KCNIP4: variants seen among roughly 807,000 people sequenced by gnomAD.
KCNIP4 encodes the protein potassium voltage-gated channel interacting protein 4, also known as Kv channel-interacting protein 4.
Under a neutral mutation model 34.0 loss-of-function variants are expected in KCNIP4, and 12 were observed. The observed-to-expected ratio is 0.35, with a 90% CI of 0.23 to 0.57. The LOEUF is 0.57. Ranked by LOEUF, KCNIP4 falls within the 20% of genes least tolerant of loss-of-function variation. The pLI is 0.83. For synonymous variants in KCNIP4, 124 were observed against 102.2 expected (o/e 1.21, Z -1.29); for missense variants, 238 against 311.7 (o/e 0.76, Z 1.78).
intron 1 of KCNIP4, among the ~76,000 whole-genome samples, chr4:21,714,318 G>C (rs1305960318): frequency 3.9e-5 from 6 of 151,962 alleles, no homozygotes; most frequent in Admixed American, 2.0e-4. Context: ...AATCTCCCCT[G>C]ATATTTCTCG....
At chr4:21,624,134 G>A (rs763431575) in intron 1 of KCNIP4, among the ~76,000 whole-genome samples, 10 of 152,034 alleles carry the variant, frequency 6.6e-5, no homozygotes, top group South Asian at 2.1e-4. Context: ...CAGACAGACC[G>A]AAGAAACTTC....
In KCNIP4 at chr4:20,760,444, T is replaced by A. The variant is rs527799524; in HGVS notation, c.289-1554A>T. 2.0e-4 allele frequency among the ~76,000 whole-genome samples: 30 copies of A among 152,314 alleles called. No homozygotes were observed. In the South Asian group the frequency reaches 2.3e-3, roughly 12 times the overall value. On this transcript the variant is annotated intron_variant, in intron 3 of 8. Transcript: ENST00000382152. ...TGTTCCCTCACTAATAAACTTACTTTCTTTATTCCAGTGAGTCAGTTACTC... is the reference window on the plus strand; with the variant it reads ...TGTTCCCTCACTAATAAACTTACTTACTTTATTCCAGTGAGTCAGTTACTC...
At chr4:21,938,048 C>A (rs115047798) in intron 1 of KCNIP4, among the ~76,000 whole-genome samples, 1 of 152,072 alleles carries the variant, frequency 6.6e-6, no homozygotes, top group South Asian at 2.1e-4. Context: ...CAAAACCATA[C>A]AAAATTCTTA....
intron 1 of KCNIP4, among the ~76,000 whole-genome samples, chr4:21,866,062 A>G (rs1450151075): frequency 6.6e-6 from 1 of 152,194 alleles, no homozygotes; most frequent in Admixed American, 6.5e-5. Flanking sequence ...TAGAAGAGTT[A>G]TTTCAGAAAT....
At chr4:21,194,340 G>A (rs2109357032) in intron 1 of KCNIP4, among the ~76,000 whole-genome samples, 1 of 152,110 alleles carries the variant, frequency 6.6e-6, no homozygotes, top group South Asian at 2.1e-4. Flanking sequence ...CACCCTACTA[G>A]TCTCTGCATA....
At chr4:21,470,503 G>A (rs887958680) in intron 1 of KCNIP4, among the ~76,000 whole-genome samples, 1 of 152,160 alleles carries the variant, frequency 6.6e-6, no homozygotes, top group Non-Finnish European at 1.5e-5. Flanking sequence ...AGATAATGTG[G>A]TTTAGTTGTA....
At chr4:21,220,766 C>T (rs1487250425) in intron 1 of KCNIP4, among the ~76,000 whole-genome samples, 4 of 152,044 alleles carry the variant, frequency 2.6e-5, no homozygotes, top group Non-Finnish European at 5.9e-5. Context: ...TCACCTGAAG[C>T]TTCACTTTTA....
At chr4:21,313,039 G>A (rs1197653606) in intron 1 of KCNIP4, among the ~76,000 whole-genome samples, 1 of 152,220 alleles carries the variant, frequency 6.6e-6, no homozygotes, top group African/African-American at 2.4e-5. Context: ...CAGCCACATG[G>A]AGCCCTTTCC....
At chr4:21,441,137 C>CTT (rs758901417) in intron 1 of KCNIP4, among the ~76,000 whole-genome samples, 14 of 136,978 alleles carry the variant, frequency 1.0e-4, no homozygotes, top group East Asian at 8.6e-4. Flanking sequence ...TGACACCTTT[C>CTT]TTTTTTTTTT....
intron 1 of KCNIP4, among the ~76,000 whole-genome samples, chr4:21,907,252 T>G (rs1728055457): frequency 6.6e-6 from 1 of 152,092 alleles, no homozygotes; most frequent in South Asian, 2.1e-4. Flanking sequence ...CTTGCAGGAC[T>G]AACTCCGTTA....
intron 1 of KCNIP4, among the ~76,000 whole-genome samples, chr4:21,009,128 G>A (rs974369340): frequency 2.0e-5 from 3 of 152,224 alleles, no homozygotes; most frequent in South Asian, 2.1e-4. Flanking sequence ...TTGAAAATCC[G>A]ATTAAAAGTG....
chr4:21,055,428 A>G (rs1176574925), intron 1 of KCNIP4, among the ~76,000 whole-genome samples: 1 of 152,182 alleles, frequency 6.6e-6, no homozygotes, highest in Non-Finnish European at 1.5e-5. Context: ...GTATTTATCC[A>G]AAGAAGTTAA....
intron 1 of KCNIP4, among the ~76,000 whole-genome samples, chr4:21,598,183 TG>T (rs991862821): frequency 3.3e-5 from 5 of 152,248 alleles, no homozygotes; most frequent in Admixed American, 6.5e-5. Context: ...ACTTACTACA[TG>T]CAACAATTTT....
intron 3 of KCNIP4, among the ~76,000 whole-genome samples, chr4:20,812,933 G>T (rs1300623425): frequency 1.5e-5 from 2 of 129,562 alleles, no homozygotes; most frequent in African/African-American, 5.4e-5. Context: ...GTTTGTGTGT[G>T]AGTGTGTGTG....
At chr4:21,544,474 G>A (rs1444358128) in intron 1 of KCNIP4, 2 of 152,152 alleles carry the variant, frequency 1.3e-5, no homozygotes, top group African/African-American at 4.8e-5. Flanking sequence ...ATAGCTGGCT[G>A]GGCTCTTATC....
chr4:21,919,131 T>C (rs1388460715), intron 1 of KCNIP4, among the ~76,000 whole-genome samples: 1 of 152,196 alleles, frequency 6.6e-6, no homozygotes, highest in Admixed American at 6.5e-5. Context: ...GGTAGAGAGT[T>C]TTGTCTTAAC....
At chr4:21,537,904 C>A (rs777810515) in intron 1 of KCNIP4, among the ~76,000 whole-genome samples, 1 of 147,006 alleles carries the variant, frequency 6.8e-6, no homozygotes, top group Admixed American at 6.9e-5. Context: ...CCCAGCTACT[C>A]GGGAGGCTGA....
rs374552578 is a variant in KCNIP4, at chr4:20,830,539, TTC to T, written c.288+20002_288+20003del. 1.8e-4 allele frequency among the ~76,000 whole-genome samples: 28 copies of T among 152,302 alleles called. No individual in the cohort carries two copies. In the South Asian group the frequency reaches 3.7e-3, roughly 20 times the overall value. ...GATTTTGAGATGGGAATTCAGAAGT[TTC>T]TGTTATAATTCTGTCTCAGCTACTA... On this transcript the variant is annotated intron_variant, in intron 3 of 8. Coordinates refer to ENST00000382152, the MANE Select transcript of KCNIP4 (RefSeq NM_025221.6).
intron 3 of KCNIP4, among the ~76,000 whole-genome samples, chr4:20,841,415 G>A (rs1446573094): frequency 6.6e-6 from 1 of 152,062 alleles, no homozygotes; most frequent in Non-Finnish European, 1.5e-5. Flanking sequence ...CACTATGATG[G>A]GAGCACATAG....
Sources: gnomAD v4.1 joint callset for allele counts (sites outside exome capture counted in the v4.1 genomes callset) on GRCh38, gnomAD v4.1.1 for gene constraint, MANE v1.5 for transcripts, NCBI Gene and HGNC (gene_info 2026-07-23, HGNC 2026-07-21) for gene names.